GLS: variants seen among roughly 807,000 people sequenced by gnomAD.
The protein encoded by GLS is glutaminase.
In GLS, 36 loss-of-function variants were observed where a neutral mutation model predicts 86.7. The ratio of observed to expected loss-of-function variants is 0.42; its 90% CI spans 0.32 to 0.55. The LOEUF is 0.55. Among genes scored for constraint, GLS ranks in the 20% least tolerant of loss-of-function variants. GLS has a pLI of 0.17. For missense variants in GLS, 528 were observed against 833.4 expected (o/e 0.63, Z 4.51); for synonymous variants, 317 against 305.9 (o/e 1.04, Z -0.38).
Position 190,956,347 on chromosome 2 carries a change from C to T in GLS, c.1853+1529C>T, listed in dbSNP as rs1690860796. 6.6e-6 allele frequency among the ~76,000 whole-genome samples: 1 copy of T among 151,728 alleles called. No homozygotes were observed. Reference sequence around the variant, plus strand: ...GTTCAGTTTTCTGCATATGGCTAGCCAGTTTTCCCAATACCTTTCCCCATT... The same window carrying T: ...GTTCAGTTTTCTGCATATGGCTAGCTAGTTTTCCCAATACCTTTCCCCATT... On this transcript the variant is annotated intron_variant, in intron 17 of 17. Coordinates refer to ENST00000320717, the MANE Select transcript of GLS (RefSeq NM_014905.5). This position sits in a 1 kb window ranked among gnomAD's most constrained non-coding sequence, Gnocchi z 4.2.
chr2:190,902,988 C>T (rs1319816556), intron 5 of GLS, among the ~76,000 whole-genome samples: 1 of 152,082 alleles, frequency 6.6e-6, no homozygotes, highest in African/African-American at 2.4e-5. Context: ...GCCGTTTAAC[C>T]TAGTAATTTT....
chr2:190,907,217 C>A (rs535890713), intron 6 of GLS, among the ~76,000 whole-genome samples: 3 of 151,264 alleles, frequency 2.0e-5, no homozygotes, highest in Non-Finnish European at 4.4e-5. Flanking sequence ...AGCCACTGCA[C>A]CCGGCAGTAG....
intron 14 of GLS, chr2:190,934,613 C>G: frequency 2.0e-6 from 2 of 984,344 alleles, no homozygotes; most frequent in Non-Finnish European, 2.4e-6. Flanking sequence ...GTGGTTTCCC[C>G]TATGATCTAA....
chr2:190,899,310 A>G (rs1378870728), intron 3 of GLS, among the ~76,000 whole-genome samples: 1 of 152,192 alleles, frequency 6.6e-6, no homozygotes, highest in African/African-American at 2.4e-5. Flanking sequence ...TATGGAAATT[A>G]GGACTGTAAT....
chr2:190,900,958 A>G (rs1688921035), intron 4 of GLS, among the ~76,000 whole-genome samples: 1 of 152,174 alleles, frequency 6.6e-6, no homozygotes, highest in Non-Finnish European at 1.5e-5. Context: ...TTTAAGTTAA[A>G]AAATCTTATT....
Position 190,913,706 on chromosome 2 carries a change from C to T in GLS, c.1038+3385C>T, listed in dbSNP as rs1424911219. 2 of 969,182 alleles carry T rather than the reference C, an allele frequency of 2.1e-6. No homozygotes were observed. The highest frequency in any genetic ancestry group is 2.5e-6 in the Non-Finnish European group (2 of 815,274). The allele number at this position is 969,182 out of a possible 1,614,324, so 60.0% of individuals were successfully genotyped here. On this transcript the variant is annotated intron_variant, in intron 7 of 17. Transcript: ENST00000320717. This position sits in a 1 kb window ranked among gnomAD's most constrained non-coding sequence, Gnocchi z 6.1. ...AAGGGTTAGGATAGGAAAATGAGGA[C>T]AACATACTGCAAAATAATTGCCACA...
chr2:190,902,864 TTC>T lies in GLS; in HGVS notation c.815+840_815+841del, dbSNP rs1183550671. ...GTTTTTTGTTTTTTTATTAAAGTAT[TTC>T]TGTTTTATCAAAATAGAACTTACAT... On this transcript the variant is annotated intron_variant, in intron 5 of 17. Transcript: ENST00000320717. 7.9e-5 allele frequency among the ~76,000 whole-genome samples: 12 copies of T among 152,264 alleles called. No individual in the cohort carries two copies. In the East Asian group the frequency reaches 2.3e-3, roughly 29 times the overall value.
At position 190,924,307 on chromosome 2, in the gene GLS, C is replaced by T. The variant is rs1296460807; in HGVS notation, c.1198-236C>T. Among the ~76,000 whole-genome samples, 1 of 151,996 alleles carries T rather than the reference C, an allele frequency of 6.6e-6. No homozygotes were observed. The highest frequency in any genetic ancestry group is 1.5e-5 in the Non-Finnish European group (1 of 68,010). On this transcript the variant is annotated intron_variant, in intron 10 of 17. Transcript: ENST00000320717. This position sits in a 1 kb window ranked among gnomAD's most constrained non-coding sequence, Gnocchi z 5.2. ...TTTTTTTAAGTGGCTGGTCTAGTAA[C>T]TTGATTTATAAATCATGAATCATTT...
At chr2:190,904,200 A>C (rs145048940) in intron 5 of GLS, among the ~76,000 whole-genome samples, 2,388 of 151,904 alleles carry the variant, frequency 0.016, 24 homozygotes, top group Non-Finnish European at 0.024. Context: ...AATATGAGGC[A>C]TTTGTAGACA....
intron 7 of GLS, among the ~76,000 whole-genome samples, chr2:190,918,584 A>G (rs904317615): frequency 6.6e-6 from 1 of 152,034 alleles, no homozygotes; most frequent in Non-Finnish European, 1.5e-5. Context: ...TTGCGTGTTC[A>G]TTGAAGTTCC....
At chr2:190,900,311 C>T (rs766330414) in intron 3 of GLS, among the ~76,000 whole-genome samples, 6 of 152,076 alleles carry the variant, frequency 3.9e-5, no homozygotes, top group Non-Finnish European at 5.9e-5. Flanking sequence ...CCTGGTGGAA[C>T]GCCTTGTCTT....
chr2:190,941,121 A>G (rs1398930410), intron 14 of GLS, among the ~76,000 whole-genome samples: 3 of 152,180 alleles, frequency 2.0e-5, no homozygotes, highest in Admixed American at 6.5e-5. Context: ...TGTGCCAGAA[A>G]CCGTGAAGTG....
chr2:190,902,082 G>A (rs911664245), intron 5 of GLS, 56 bp downstream of exon 5: 1 of 948,638 alleles, frequency 1.1e-6, no homozygotes, highest in South Asian at 1.3e-5. Flanking sequence ...TTTGTATAAT[G>A]GTGAGAATGA....
At chr2:190,883,897 T>C (rs1688289248) in intron 1 of GLS, among the ~76,000 whole-genome samples, 1 of 152,236 alleles carries the variant, frequency 6.6e-6, no homozygotes, top group African/African-American at 2.4e-5. Flanking sequence ...AGGCGTGATA[T>C]AAGCAAGTTA....
intron 9 of GLS, among the ~76,000 whole-genome samples, chr2:190,922,701 G>GT (rs1330233038): frequency 6.6e-6 from 1 of 151,834 alleles, no homozygotes; most frequent in Non-Finnish European, 1.5e-5. Context: ...CTATGTTGAT[G>GT]TTTTTTTTAA....
At position 190,949,933 on chromosome 2, in the gene GLS, A is replaced by G. The variant is rs537306588; in HGVS notation, c.1651-3632A>G. On this transcript the variant is annotated intron_variant, in intron 14 of 17. Transcript: ENST00000320717. This position sits in a 1 kb window ranked among gnomAD's most constrained non-coding sequence, Gnocchi z 4.0. ...AAAAAACAAGTATATATAAAAATAT[A>G]TATACTTTATATATAGTTATATATA... Among the ~76,000 whole-genome samples, 2 of 150,096 alleles carry G rather than the reference A, an allele frequency of 1.3e-5. No individual in the cohort carries two copies. The highest frequency in any genetic ancestry group is 3.0e-5 in the Non-Finnish European group (2 of 67,612).
chr2:190,960,206 G>T (rs552998984), intron 17 of GLS, among the ~76,000 whole-genome samples: 1 of 152,018 alleles, frequency 6.6e-6, no homozygotes, highest in Non-Finnish European at 1.5e-5. Context: ...TGAGTAATGA[G>T]AATAAAAGTT....
rs1690107292 is a variant in GLS at position 190,931,598 on chromosome 2, A to C, written c.1611A>C (p.Ala537=). The change falls in exon 14 of 18, where the codon GCA becomes GCC. Residue 537 remains alanine (A), a synonymous_variant. Transcript: ENST00000320717. ...ACTATGATAATTTGAGACACTTTGC[A>C]AAAAAACTTGATCCTCGAAGAGAAG... is the stretch of plus-strand genomic sequence containing the variant. ...FHNYDNLRHF[A]KKLDPRREGG... is the part of the protein sequence containing the mutation. The C allele has an allele frequency of 6.3e-7, 1 of 1,584,596 alleles. No individual in the cohort carries two copies. Among genetic ancestry groups the C allele is most frequent in the Non-Finnish European group, 8.7e-7 (1 of 1,155,788 alleles).
In GLS at chr2:190,895,283, AAATC is replaced by A. The variant is rs1412389533; in HGVS notation, c.483+39_483+42del. 2.4e-6 allele frequency: 2 copies of A among 833,800 alleles called. No individual in the cohort carries two copies. The highest frequency in any genetic ancestry group is 4.0e-6 in the Non-Finnish European group (2 of 498,874). The allele number at this position is 833,800 out of a possible 1,614,324, so 51.7% of individuals were successfully genotyped here. On this transcript the variant is annotated intron_variant, in intron 2 of 17. Coordinates refer to ENST00000320717, the MANE Select transcript of GLS (RefSeq NM_014905.5). This position sits in a 1 kb window ranked among gnomAD's most constrained non-coding sequence, Gnocchi z 4.2. ...TATATTTTTCTATCTTAACTTAAAA[AAATC>A]AATAATAATAAATATATACAGTATT...
Sources: allele counts gnomAD v4.1 joint callset (sites outside exome capture counted in the v4.1 genomes callset), GRCh38; gene constraint gnomAD v4.1.1; non-coding constraint Gnocchi (gnomAD v3.1); transcripts MANE v1.5; gene names NCBI Gene and HGNC (gene_info 2026-07-23, HGNC 2026-07-21).